MKLN1: variants seen among roughly 807,000 people sequenced by gnomAD.
The protein encoded by MKLN1 is muskelin.
MKLN1 carries 18 observed loss-of-function variants against 99.0 expected under a neutral mutation model. The ratio of observed to expected loss-of-function variants is 0.18; its 90% CI spans 0.13 to 0.27. The LOEUF (loss-of-function observed/expected upper bound fraction) is 0.27. MKLN1 is among the 10% of genes least tolerant of loss of function. The probability of loss-of-function intolerance (pLI) is 1.00; values close to 1 mark genes in which losing one functional copy is unlikely to be tolerated. For missense variants in MKLN1, 621 were observed against 875.9 expected (o/e 0.71, Z 3.67); for synonymous variants, 288 against 293.2 (o/e 0.98, Z 0.18).
At chr7:131,396,394 A>G (rs1794361697) in intron 4 of MKLN1, among the ~76,000 whole-genome samples, 1 of 152,088 alleles carries the variant, frequency 6.6e-6, no homozygotes, top group Non-Finnish European at 1.5e-5. Flanking sequence ...TTTTAGGTAG[A>G]CAGGTCATCT....
intron 1 of MKLN1, among the ~76,000 whole-genome samples, chr7:131,138,987 T>C (rs1795692256): frequency 6.6e-6 from 1 of 152,146 alleles, no homozygotes; most frequent in Admixed American, 6.5e-5. Flanking sequence ...TGCCAGGCCT[T>C]CGCTTCCACT....
At chr7:131,150,075 T>C (rs1476834714) in intron 2 of MKLN1, among the ~76,000 whole-genome samples, 1 of 152,132 alleles carries the variant, frequency 6.6e-6, no homozygotes, top group Non-Finnish European at 1.5e-5. Flanking sequence ...ATAGTTGCCT[T>C]GTACTTGTTT....
chr7:131,199,927 A>G (rs1796703176), intron 2 of MKLN1, among the ~76,000 whole-genome samples: 1 of 152,054 alleles, frequency 6.6e-6, no homozygotes, highest in Non-Finnish European at 1.5e-5. Flanking sequence ...GGAACTCCTG[A>G]CCTCAAGTGA....
intron 3 of MKLN1, among the ~76,000 whole-genome samples, chr7:131,226,400 A>G (rs1470446320): frequency 6.6e-6 from 1 of 152,228 alleles, no homozygotes; most frequent in Non-Finnish European, 1.5e-5. Context: ...GAGAAACGCC[A>G]TTAGGGCTTT....
chr7:131,160,959 A>T (rs1714440247), intron 2 of MKLN1, among the ~76,000 whole-genome samples: 1 of 152,146 alleles, frequency 6.6e-6, no homozygotes, highest in Non-Finnish European at 1.5e-5. Context: ...TATCAATATG[A>T]TGGTGTCTCC....
At chr7:131,466,155 A>T in intron 14 of MKLN1, 121 bp from the exon 15 acceptor site, 3 of 621,054 alleles carry the variant, frequency 4.8e-6, no homozygotes, top group Non-Finnish European at 5.0e-6. Flanking sequence ...GTAAAAATGC[A>T]GTATAATTTT....
chr7:131,110,813 G>C (rs1441693153), intron 1 of MKLN1, among the ~76,000 whole-genome samples: 1 of 152,164 alleles, frequency 6.6e-6, no homozygotes, highest in East Asian at 1.9e-4. Context: ...CAGCCTACCT[G>C]CAGCCAGCCT....
In MKLN1 at chr7:131,257,589, G is replaced by T. The variant is rs1051440817; in HGVS notation, c.-179+54615G>T. Among the ~76,000 whole-genome samples the T allele has an allele frequency of 2.0e-5, 3 of 152,302 alleles. No individual in the cohort carries two copies. The East Asian group carries it at 5.8e-4, about 29-fold the overall frequency. On this transcript the variant is annotated intron_variant, in intron 3 of 7. Transcript: ENST00000416992. ...TCTTGCAATTTTATCACACTTCACA[G>T]GGTGTGAGGATAGGAGAGCAACCAA...
intron 16 of MKLN1, among the ~76,000 whole-genome samples, chr7:131,476,509 A>G (rs1205007565): frequency 2.0e-5 from 3 of 152,246 alleles, no homozygotes; most frequent in Non-Finnish European, 4.4e-5. Context: ...CTAGCAGTGA[A>G]CAATTAGAAA....
At chr7:131,185,479 C>T (rs557985374) in intron 2 of MKLN1, among the ~76,000 whole-genome samples, 7 of 151,624 alleles carry the variant, frequency 4.6e-5, no homozygotes, top group East Asian at 2.0e-4. Flanking sequence ...CCCAGCTACT[C>T]GGGAGGCTGA....
chr7:131,273,797 A>T (rs1797921998), intron 3 of MKLN1, among the ~76,000 whole-genome samples: 1 of 151,540 alleles, frequency 6.6e-6, no homozygotes, highest in Non-Finnish European at 1.5e-5. Context: ...CTAATTTTTT[A>T]TGGGCAACAT....
chr7:131,213,378 G>A (rs1351287461), intron 3 of MKLN1, among the ~76,000 whole-genome samples: 1 of 152,158 alleles, frequency 6.6e-6, no homozygotes, highest in Admixed American at 6.5e-5. Flanking sequence ...GGATGTGAAG[G>A]TTGTTTTTAG....
At chr7:131,243,256 C>G (rs537382449) in intron 3 of MKLN1, among the ~76,000 whole-genome samples, 1 of 152,318 alleles carries the variant, frequency 6.6e-6, no homozygotes, top group African/African-American at 2.4e-5. Context: ...CACTCAAATA[C>G]TCTACACCTA....
intron 3 of MKLN1, among the ~76,000 whole-genome samples, chr7:131,270,861 C>CT (rs59225684): frequency 0.1 from 14,859 of 148,416 alleles, 986 homozygotes; most frequent in South Asian, 0.32. Context: ...CTTGAATCAC[C>CT]TTTTTTTTTT....
chr7:131,157,647 T>C (rs917817109), intron 2 of MKLN1, among the ~76,000 whole-genome samples: 2 of 152,182 alleles, frequency 1.3e-5, no homozygotes, highest in Non-Finnish European at 2.9e-5. Context: ...TATTGTTTCT[T>C]TCTCTCCTTT....
At chr7:131,478,573 T>G in intron 16 of MKLN1, 50 bp from the exon 17 acceptor site, 1 of 1,479,688 alleles carries the variant, frequency 6.8e-7, no homozygotes. Context: ...TTCAGTGCAC[T>G]TAGCCAGCTA....
At chr7:131,185,916 G>C (rs1409122509) in intron 2 of MKLN1, among the ~76,000 whole-genome samples, 11 of 152,142 alleles carry the variant, frequency 7.2e-5, no homozygotes, top group Non-Finnish European at 1.6e-4. Context: ...CTGTGGGCCG[G>C]GGGTGGTGGT....
At chr7:131,195,502 C>A (rs564867468) in intron 2 of MKLN1, among the ~76,000 whole-genome samples, 1 of 151,064 alleles carries the variant, frequency 6.6e-6, no homozygotes, top group African/African-American at 2.4e-5. Context: ...CAGAGTGAGA[C>A]TGTCTAAAAA....
At chr7:131,397,514 A>G (rs886918010) in intron 5 of MKLN1, 138 bp downstream of exon 5, 1 of 555,404 alleles carries the variant, frequency 1.8e-6, no homozygotes, top group Non-Finnish European at 3.1e-6. Flanking sequence ...AAGCACTTCC[A>G]GTCTGCCAGC....
Sources: gnomAD v4.1 joint callset for allele counts (sites outside exome capture counted in the v4.1 genomes callset) on GRCh38, gnomAD v4.1.1 for gene constraint, MANE v1.5 for transcripts, NCBI Gene and HGNC (gene_info 2026-07-23, HGNC 2026-07-21) for gene names.